The following CASD1 variants were observed in gnomAD, a reference collection of about 807,000 sequenced individuals.
CASD1 encodes the protein CAS1 domain sialic acid O acetyltransferase 1.
In CASD1, 41 loss-of-function variants were observed where a neutral mutation model predicts 100.0. The observed-to-expected ratio is 0.41, with a 90% CI of 0.32 to 0.53. The LOEUF is 0.53. Among genes scored for constraint, CASD1 ranks in the 20% least tolerant of loss-of-function variants. The probability of loss-of-function intolerance (pLI) is 0.25; values close to 1 mark genes in which losing one functional copy is unlikely to be tolerated. For missense variants in CASD1, 774 were observed against 948.7 expected, an observed-to-expected ratio of 0.82 and a Z score of 2.42; for synonymous variants, 321 against 315.6, an observed-to-expected ratio of 1.02 and a Z score of -0.18.
Position 94,537,819 on chromosome 7 carries a change from TAC to T in CASD1, c.1195_1196del (p.His399PhefsTer18). 6.3e-7 allele frequency: 1 copy of T among 1,595,512 alleles called. No homozygotes were observed. The highest frequency in any genetic ancestry group is 8.6e-7 in the Non-Finnish European group (1 of 1,163,314). On this transcript the variant is annotated frameshift_variant, in exon 9 of 18. Coordinates refer to ENST00000297273, the MANE Select transcript of CASD1 (RefSeq NM_022900.5). LOFTEE classifies it high-confidence loss of function. ...TGTTCATGAAGGAAAACAAATTTTA[TAC>T]ACATTCATCTTTCTTTATTCCAATT... ...NLFMKENKFY[T>X]HSSFFIPIIY...
chr7:94,588,953 G>A, the CASD1 span: 104 of 559,696 alleles, frequency 1.9e-4, no homozygotes, highest in East Asian at 2.9e-3. Context: ...TTTTCACTGC[G>A]GGCTATACTC....
At chr7:94,567,575 C>T in the CASD1 span, among the ~76,000 whole-genome samples, 1 of 152,112 alleles carries the variant, frequency 6.6e-6, no homozygotes, top group African/African-American at 2.4e-5. Flanking sequence ...AGTTTGTAAG[C>T]CCCTGTCTCT....
At chr7:94,514,991 A>G (rs940997776) in intron 1 of CASD1, among the ~76,000 whole-genome samples, 1 of 152,132 alleles carries the variant, frequency 6.6e-6, no homozygotes, top group African/African-American at 2.4e-5. Context: ...AATTTGTTTT[A>G]GAGTATGAAA....
the CASD1 span, among the ~76,000 whole-genome samples, chr7:94,609,213 A>G: frequency 3.3e-5 from 5 of 152,218 alleles, no homozygotes; most frequent in East Asian, 9.6e-4. Flanking sequence ...AAAACATAAA[A>G]CAACAAACAA....
At chr7:94,511,248 G>A (rs1028362810) in intron 1 of CASD1, among the ~76,000 whole-genome samples, 1 of 152,196 alleles carries the variant, frequency 6.6e-6, no homozygotes. Context: ...AAGATGTAAT[G>A]TGTAATGGAC....
At chr7:94,522,041 G>A (rs1396195291) in intron 3 of CASD1, among the ~76,000 whole-genome samples, 9 of 152,108 alleles carry the variant, frequency 5.9e-5, no homozygotes, top group Non-Finnish European at 8.8e-5. Flanking sequence ...CCGAAATTGC[G>A]CCACTGCACT....
the CASD1 span, among the ~76,000 whole-genome samples, chr7:94,608,831 C>G: frequency 2.0e-5 from 3 of 152,188 alleles, no homozygotes; most frequent in East Asian, 5.8e-4. Flanking sequence ...GAAAGACAGT[C>G]TTTTGAACAA....
intron 2 of CASD1, 68 bp from the exon 3 acceptor site, chr7:94,518,135 G>A (rs145120577): frequency 3.2e-5 from 44 of 1,372,508 alleles, no homozygotes; most frequent in African/African-American, 4.5e-5. Context: ...CTTCAAAAAC[G>A]GTGTGCTTTG....
chr7:94,576,586 C>T, the CASD1 span, among the ~76,000 whole-genome samples: 1 of 152,196 alleles, frequency 6.6e-6, no homozygotes, highest in Non-Finnish European at 1.5e-5. Flanking sequence ...GTCTGAGTAG[C>T]TGAGGTCATT....
At chr7:94,512,148 T>C (rs1197700202) in intron 1 of CASD1, among the ~76,000 whole-genome samples, 1 of 152,174 alleles carries the variant, frequency 6.6e-6, no homozygotes, top group East Asian at 1.9e-4. Context: ...ACATTATAAC[T>C]CTTTAGGACA....
the CASD1 span, among the ~76,000 whole-genome samples, chr7:94,582,140 G>A: frequency 5.3e-5 from 8 of 152,102 alleles, no homozygotes; most frequent in Non-Finnish European, 1.0e-4. Context: ...GCGATGTTGA[G>A]CTTTTCTCAC....
intron 1 of CASD1, 82 bp from the exon 2 acceptor site, chr7:94,517,478 A>T (rs1310538272): frequency 1.2e-6 from 1 of 800,248 alleles, no homozygotes; most frequent in African/African-American, 1.7e-5. Context: ...TTTTTATTTC[A>T]AGGAACTTAT....
the CASD1 span, among the ~76,000 whole-genome samples, chr7:94,615,364 A>AG: frequency 5.7e-5 from 7 of 122,662 alleles, no homozygotes; most frequent in African/African-American, 2.3e-4. Flanking sequence ...GTCTCAAAAT[A>AG]AATAGATAGA....
At chr7:94,583,846 C>T in the CASD1 span, among the ~76,000 whole-genome samples, 1 of 152,078 alleles carries the variant, frequency 6.6e-6, no homozygotes, top group African/African-American at 2.4e-5. Context: ...GCAGAATCCT[C>T]ACTTTGTTAA....
chr7:94,604,313 A>C, the CASD1 span, among the ~76,000 whole-genome samples: 4 of 152,058 alleles, frequency 2.6e-5, no homozygotes, highest in South Asian at 8.3e-4. Context: ...TGACAATGTA[A>C]AATGAAGTAA....
chr7:94,610,555 A>C, the CASD1 span, among the ~76,000 whole-genome samples: 1 of 152,162 alleles, frequency 6.6e-6, no homozygotes, highest in African/African-American at 2.4e-5. Flanking sequence ...AAACTATTAA[A>C]CTCTGAGAAG....
chr7:94,540,808 GA>G (rs1795356448), intron 10 of CASD1, among the ~76,000 whole-genome samples: 1 of 152,062 alleles, frequency 6.6e-6, no homozygotes, highest in African/African-American at 2.4e-5. Flanking sequence ...CTGAGTAATG[GA>G]ATTTGTTTTA....
the CASD1 span, among the ~76,000 whole-genome samples, chr7:94,578,321 T>C: frequency 6.6e-6 from 1 of 152,330 alleles, no homozygotes; most frequent in East Asian, 1.9e-4. Context: ...AATCAAAGTC[T>C]ATAAGACTAA....
At chr7:94,587,650 A>T in the CASD1 span, 1 of 1,478,430 alleles carries the variant, frequency 6.8e-7, no homozygotes, top group Non-Finnish European at 8.9e-7. Flanking sequence ...GCACCAACAC[A>T]TCAATATATT....
Sources: gnomAD v4.1 joint callset for allele counts (sites outside exome capture counted in the v4.1 genomes callset) on GRCh38, gnomAD v4.1.1 for gene constraint, MANE v1.5 for transcripts, NCBI Gene and HGNC (gene_info 2026-07-23, HGNC 2026-07-21) for gene names.